GALNT7: variants seen among roughly 807,000 people sequenced by gnomAD.
GALNT7 encodes N-acetylgalactosaminyltransferase 7.
Under a neutral mutation model 82.1 loss-of-function variants are expected in GALNT7, and 60 were observed. The observed-to-expected ratio is 0.73, with a 90% CI of 0.59 to 0.91. The LOEUF is 0.91. Ranked by LOEUF, GALNT7 falls within the 40% of genes least tolerant of loss-of-function variation. The probability of loss-of-function intolerance (pLI) is 0.00; values close to 1 mark genes in which losing one functional copy is unlikely to be tolerated. For synonymous variants in GALNT7, 243 were observed against 275.1 expected (o/e 0.88, Z 1.15); for missense variants, 660 against 804.2 (o/e 0.82, Z 2.17).
rs758577746 is a variant in GALNT7, at chr4:173,322,680, T to C, written c.*963T>C. 1.3e-5 allele frequency: 2 copies of C among 152,204 alleles called. No individual in the cohort carries two copies. Among genetic ancestry groups the C allele is most frequent in the African/African-American group, 2.4e-5 (1 of 41,462 alleles). 9.4% of individuals were successfully genotyped at this position (152,204 alleles called of 1,614,324 possible). Reference sequence around the variant, plus strand: ...TGACAAAAACAACAAAACACCGTTATAAACACATCAAAGGTTCATTCTGAC... The same window carrying C: ...TGACAAAAACAACAAAACACCGTTACAAACACATCAAAGGTTCATTCTGAC... On this transcript the variant is annotated 3_prime_UTR_variant, in exon 12 of 12. Coordinates refer to ENST00000265000, the MANE Select transcript of GALNT7 (RefSeq NM_017423.3).
chr4:173,176,683 TATAAAA>T (rs1330505917), intron 1 of GALNT7, among the ~76,000 whole-genome samples: 1 of 152,100 alleles, frequency 6.6e-6, no homozygotes, highest in Non-Finnish European at 1.5e-5. Flanking sequence ...GAGCTTGTCT[TATAAAA>T]AGAGATGCTG....
intron 2 of GALNT7, among the ~76,000 whole-genome samples, chr4:173,279,906 C>G (rs1318055448): frequency 2.0e-5 from 3 of 151,846 alleles, no homozygotes; most frequent in Admixed American, 1.3e-4. Flanking sequence ...ACCCGGGTGG[C>G]AGAGGTTGCA....
chr4:173,292,416 C>T lies in GALNT7; in HGVS notation c.754+142C>T. The T allele has an allele frequency of 5.2e-6, 3 of 577,728 alleles. No individual in the cohort carries two copies. The East Asian group carries it at 9.0e-5, about 17-fold the overall frequency. 35.8% of individuals were successfully genotyped at this position (577,728 alleles called of 1,614,324 possible). ...TGTTATCAACAAGTTGACACTGTGCCAAGCATTGTATGTGAGTTATTTTGT... is the reference window on the plus strand; with the variant it reads ...TGTTATCAACAAGTTGACACTGTGCTAAGCATTGTATGTGAGTTATTTTGT... On this transcript the variant is annotated intron_variant, in intron 3 of 11. Coordinates refer to ENST00000265000, the MANE Select transcript of GALNT7 (RefSeq NM_017423.3). This position sits in a 1 kb window ranked among gnomAD's most constrained non-coding sequence, Gnocchi z 4.8.
At chr4:173,246,583 A>T (rs1439341557) in intron 1 of GALNT7, among the ~76,000 whole-genome samples, 2 of 152,200 alleles carry the variant, frequency 1.3e-5, no homozygotes, top group Non-Finnish European at 2.9e-5. Flanking sequence ...GAAAATTTTT[A>T]AAAATTTCTT....
intron 1 of GALNT7, among the ~76,000 whole-genome samples, chr4:173,244,324 A>G (rs532210983): frequency 2.0e-5 from 3 of 152,152 alleles, no homozygotes; most frequent in Non-Finnish European, 4.4e-5. Context: ...AGCCTTGCCA[A>G]CCCCCTTGAG....
chr4:173,249,150 A>G (rs1350818045), intron 2 of GALNT7, among the ~76,000 whole-genome samples: 1 of 152,204 alleles, frequency 6.6e-6, no homozygotes. Flanking sequence ...TGGTTCTACT[A>G]CTATAGGATC....
intron 1 of GALNT7, among the ~76,000 whole-genome samples, chr4:173,182,129 C>T (rs1732267081): frequency 6.6e-6 from 1 of 152,152 alleles, no homozygotes. Flanking sequence ...TGGCTTGAAA[C>T]ATTTATTCTT....
intron 1 of GALNT7, among the ~76,000 whole-genome samples, chr4:173,196,246 T>TC (rs763272702): frequency 2.0e-5 from 3 of 151,916 alleles, no homozygotes; most frequent in Non-Finnish European, 2.9e-5. Flanking sequence ...TGCCTCAGCC[T>TC]CCCAAGTAGC....
At chr4:173,181,145 G>C (rs1025341823) in intron 1 of GALNT7, among the ~76,000 whole-genome samples, 3 of 152,188 alleles carry the variant, frequency 2.0e-5, no homozygotes, top group African/African-American at 7.2e-5. Flanking sequence ...TACACATGCA[G>C]ATTTTTCTAC....
chr4:173,214,470 G>A (rs1187879508), intron 1 of GALNT7, among the ~76,000 whole-genome samples: 1 of 152,204 alleles, frequency 6.6e-6, no homozygotes, highest in Non-Finnish European at 1.5e-5. Context: ...GGGACAGAAA[G>A]TGTGTTCCAA....
At chr4:173,233,108 A>G (rs1282577346) in intron 1 of GALNT7, among the ~76,000 whole-genome samples, 1 of 152,234 alleles carries the variant, frequency 6.6e-6, no homozygotes, top group Admixed American at 6.5e-5. Flanking sequence ...GTGTGTATAC[A>G]TACCACATTT....
At chr4:173,174,994 C>G (rs1225509914) in intron 1 of GALNT7, among the ~76,000 whole-genome samples, 2 of 152,228 alleles carry the variant, frequency 1.3e-5, no homozygotes, top group Admixed American at 1.3e-4. Flanking sequence ...GAAAATAATT[C>G]ACGAATGAAA....
intron 1 of GALNT7, among the ~76,000 whole-genome samples, chr4:173,197,983 C>T (rs1195026534): frequency 6.6e-6 from 1 of 152,196 alleles, no homozygotes; most frequent in African/African-American, 2.4e-5. Flanking sequence ...GGAATTAAAA[C>T]ATGTAAACCA....
At chr4:173,197,063 C>CTTTTTTTT in intron 1 of GALNT7, among the ~76,000 whole-genome samples, 2 of 117,956 alleles carry the variant, frequency 1.7e-5, no homozygotes, top group African/African-American at 3.2e-5. Flanking sequence ...CTCTCTCTCC[C>CTTTTTTTT]TTTTTTTTTT....
At chr4:173,206,610 G>A (rs999364451) in intron 1 of GALNT7, among the ~76,000 whole-genome samples, 2 of 152,194 alleles carry the variant, frequency 1.3e-5, no homozygotes, top group African/African-American at 4.8e-5. Context: ...CTTCCACTGT[G>A]CAGATGTGGA....
At chr4:173,273,190 G>A (rs1735790380) in intron 2 of GALNT7, among the ~76,000 whole-genome samples, 1 of 152,160 alleles carries the variant, frequency 6.6e-6, no homozygotes, top group African/African-American at 2.4e-5. Flanking sequence ...ACATCGAGAA[G>A]GCATATAATC....
At position 173,318,480 on chromosome 4, in the gene GALNT7, T is replaced by C; in HGVS notation, c.1757T>C (p.Leu586Ser). The stretch of plus-strand genomic sequence containing the variant: ...CAACTCATGCAGTATGACCAGTGTT[T>C]GACAAAGGGAGCTGATGGATCAAAA... ...ANQLMQYDQC[L>S]TKGADGSKVM... The change falls in exon 11 of 12, where the codon TTG becomes TCG. Residue 586 changes from leucine (L) to serine (S), a missense_variant. By Grantham distance (145) the Leu-to-Ser change is moderately radical (BLOSUM62 -2). This residue lies in a region of GALNT7 where 527 missense variants were observed against 683.5 expected (regional missense o/e 0.77). Transcript: ENST00000265000. 1 of 1,598,266 alleles carries C rather than the reference T, an allele frequency of 6.3e-7. No individual in the cohort carries two copies. The highest frequency in any genetic ancestry group is 8.6e-7 in the Non-Finnish European group (1 of 1,166,636).
At chr4:173,173,908 C>G (rs930968068) in intron 1 of GALNT7, among the ~76,000 whole-genome samples, 1 of 152,192 alleles carries the variant, frequency 6.6e-6, no homozygotes, top group Non-Finnish European at 1.5e-5. Flanking sequence ...ACTGATTACC[C>G]TGGCAGTCAA....
rs70944442 is a variant in GALNT7 at position 173,288,282 on chromosome 4, C to CAA, written c.588-3804_588-3803dup. On this transcript the variant is annotated intron_variant, in intron 2 of 11. Coordinates refer to ENST00000265000, the MANE Select transcript of GALNT7 (RefSeq NM_017423.3). ...TGGGCGACAGAGCGAGACTCCATCT[C>CAA]AAAAAAAAAAAAAAAAAAAAAAAGA... 2.2e-3 allele frequency among the ~76,000 whole-genome samples: 140 copies of CAA among 62,802 alleles called. 2 individuals carry two copies. Among genetic ancestry groups the CAA allele is most frequent in the East Asian group, 3.5e-3 (8 of 2,286 alleles). 41.2% of individuals were successfully genotyped at this position (62,802 alleles called of 152,430 possible). A position where few individuals can be genotyped will look rare whatever the true frequency, so the allele number is the denominator to read the frequency against.
Sources: gnomAD v4.1 joint callset for allele counts (sites outside exome capture counted in the v4.1 genomes callset) on GRCh38, gnomAD v4.1.1 for gene constraint, gnomAD v4.1.1 regional missense constraint, Gnocchi (gnomAD v3.1) non-coding constraint, MANE v1.5 for transcripts, NCBI Gene and HGNC (gene_info 2026-07-23, HGNC 2026-07-21) for gene names.